MESP1: variants seen among roughly 807,000 people sequenced by gnomAD.
MESP1 encodes mesoderm posterior bHLH transcription factor 1, also known as mesoderm posterior protein 1.
A neutral mutation model predicts 15.2 loss-of-function variants in MESP1; 22 were observed. The ratio of observed to expected loss-of-function variants is 1.45; its 90% CI spans 1.04 to 2.07. The LOEUF is 2.07. Ranked by LOEUF, MESP1 falls within the 30% of genes most tolerant of loss-of-function variation. MESP1 has a pLI of 0.00. For synonymous variants in MESP1, 216 were observed against 192.6 expected (o/e 1.12, Z -1.01); for missense variants, 484 against 411.9 (o/e 1.17, Z -1.51).
At chr15:89,742,571 T>G in the MESP1 span, among the ~76,000 whole-genome samples, 7 of 152,260 alleles carry the variant, frequency 4.6e-5, no homozygotes, top group South Asian at 1.5e-3. Context: ...TTTGCTCTTG[T>G]TGCCCAGGCT....
At chr15:89,746,133 G>A (rs1280745638), downstream of MESP1, among the ~76,000 whole-genome samples, 2 of 109,736 alleles carry the variant, frequency 1.8e-5, no homozygotes, top group Non-Finnish European at 1.8e-5. Flanking sequence ...CCTCCACACA[G>A]CATCCACACA....
At chr15:89,736,893 A>G in the MESP1 span, among the ~76,000 whole-genome samples, 5 of 150,360 alleles carry the variant, frequency 3.3e-5, no homozygotes, top group East Asian at 2.0e-4. Context: ...CCGGGTTCAC[A>G]CCATTCTCCT....
At chr15:89,735,556 A>T in the MESP1 span, 3 of 1,613,762 alleles carry the variant, frequency 1.9e-6, no homozygotes, top group South Asian at 1.1e-5. Context: ...CTGGCATGGT[A>T]GGTTCCCCAT....
At chr15:89,737,087 G>T in the MESP1 span, among the ~76,000 whole-genome samples, 1 of 152,150 alleles carries the variant, frequency 6.6e-6, no homozygotes. Flanking sequence ...CATCGCGCCC[G>T]GCCAAAGGGG....
the MESP1 span, chr15:89,743,343 G>A: frequency 2.0e-5 from 32 of 1,614,196 alleles, no homozygotes; most frequent in Non-Finnish European, 2.6e-5. Context: ...ACTGGGCCCG[G>A]CTTCAGAGGT....
At chr15:89,737,892 C>A in the MESP1 span, 1 of 1,303,918 alleles carries the variant, frequency 7.7e-7, no homozygotes, top group Non-Finnish European at 1.1e-6. Context: ...AGATAAAATG[C>A]CAGCAGGGTC....
downstream of MESP1, among the ~76,000 whole-genome samples, chr15:89,746,850 G>A (rs1168752984): frequency 5.7e-5 from 3 of 52,826 alleles, 1 homozygote; most frequent in Non-Finnish European, 1.1e-4. Context: ...CACACACACA[G>A]CCCTGCCGCC....
At chr15:89,744,697 C>T in the MESP1 span, among the ~76,000 whole-genome samples, 1 of 152,206 alleles carries the variant, frequency 6.6e-6, no homozygotes, top group South Asian at 2.1e-4. Flanking sequence ...CACAAACTAC[C>T]TTTAGCAAAA....
the MESP1 span, among the ~76,000 whole-genome samples, chr15:89,734,409 C>G: frequency 2.8e-4 from 43 of 152,174 alleles, no homozygotes; most frequent in African/African-American, 9.2e-4. Context: ...TCCTCATGGT[C>G]TCTCCTGCAG....
At position 89,749,945 on chromosome 15, in the gene MESP1, G is replaced by A. The variant is rs777414090; in HGVS notation, c.*199C>T. ...CAGAGCCTCCTGCTTGCCTCAAAGT[G>A]TCTAGCCCTATGGGTCCCTCCATGG... On this transcript the variant is annotated 3_prime_UTR_variant, in exon 2 of 2. Coordinates refer to ENST00000300057, the MANE Select transcript of MESP1 (RefSeq NM_018670.4). 46 of 603,874 alleles carry A rather than the reference G, an allele frequency of 7.6e-5. No individual in the cohort carries two copies. Among genetic ancestry groups the A allele is most frequent in the Non-Finnish European group, 1.2e-4 (41 of 334,010 alleles). The allele number at this position is 603,874 out of a possible 1,614,324, so 37.4% of individuals were successfully genotyped here.
At chr15:89,743,506 C>T in the MESP1 span, 4 of 984,304 alleles carry the variant, frequency 4.1e-6, no homozygotes, top group Non-Finnish European at 3.1e-6. Flanking sequence ...GGCCTGCACT[C>T]GGAGTCTGGG....
chr15:89,735,648 C>T, the MESP1 span: 2 of 1,316,620 alleles, frequency 1.5e-6, no homozygotes, highest in Non-Finnish European at 2.2e-6. Context: ...TTATTGAAGG[C>T]CTGTTATGTG....
Position 89,750,118 on chromosome 15 carries a change from A to T in MESP1, c.*26T>A. The T allele has an allele frequency of 6.2e-7, 1 of 1,611,676 alleles. No homozygotes were observed. Among genetic ancestry groups the T allele is most frequent in the Non-Finnish European group, 8.5e-7 (1 of 1,177,974 alleles). ...CTGAGGCCAAAAAGCCTCGGTGCTC[A>T]CAGAGACGGCGTCAGTTGTCCCTTG... On this transcript the variant is annotated 3_prime_UTR_variant, in exon 2 of 2. Coordinates refer to ENST00000300057, the MANE Select transcript of MESP1 (RefSeq NM_018670.4).
chr15:89,746,988 C>T (rs1410273707), downstream of MESP1, among the ~76,000 whole-genome samples: 3 of 146,850 alleles, frequency 2.0e-5, no homozygotes, highest in South Asian at 2.2e-4. Flanking sequence ...CACAGAGCCC[C>T]GCCGCCACAC....
Position 89,750,524 on chromosome 15 carries a change from T to G in MESP1, c.708A>C (p.Pro236=). 6.7e-7 allele frequency: 1 copy of G among 1,500,206 alleles called. No homozygotes were observed. The allele number at this position is 1,500,206 out of a possible 1,614,324, so 92.9% of individuals were successfully genotyped here. ...GGACACTAACCGGGGACGGTGGGCT[T>G]GGCTCCATCGCCTGCCCTTCAGGGC... ...AACPEGQAME[P]SPPSPLLPGD... The change falls in exon 1 of 2, where the codon CCA becomes CCC. Residue 236 remains proline (P), a synonymous_variant. Transcript: ENST00000300057.
the MESP1 span, chr15:89,737,830 C>T: frequency 6.6e-7 from 1 of 1,520,048 alleles, no homozygotes; most frequent in Non-Finnish European, 8.9e-7. Context: ...ACTCTGTGTC[C>T]CCCTCTACCA....
chr15:89,738,348 T>G, the MESP1 span: 22 of 1,310,832 alleles, frequency 1.7e-5, no homozygotes, highest in Non-Finnish European at 2.2e-5. Flanking sequence ...TTCCCCTGGC[T>G]GGGCGTGGTG....
Position 89,749,909 on chromosome 15 carries a change from T to C in MESP1, c.*235A>G, listed in dbSNP as rs1201695305. ...TACAGTTTATTCACAAATAAATAAA[T>C]TCACATTAGGCAGAGCCTCCTGCTT... On this transcript the variant is annotated 3_prime_UTR_variant, in exon 2 of 2. Coordinates refer to ENST00000300057, the MANE Select transcript of MESP1 (RefSeq NM_018670.4). 9.3e-6 allele frequency: 5 copies of C among 540,248 alleles called. No individual in the cohort carries two copies. In the East Asian group the frequency reaches 1.5e-4, roughly 16 times the overall value. 33.5% of individuals were successfully genotyped at this position (540,248 alleles called of 1,614,324 possible). A position where few individuals can be genotyped will look rare whatever the true frequency, so the allele number is the denominator to read the frequency against.
chr15:89,740,165 T>C, the MESP1 span, among the ~76,000 whole-genome samples: 2 of 152,174 alleles, frequency 1.3e-5, no homozygotes, highest in African/African-American at 4.8e-5. Context: ...CAGTAAATGG[T>C]AGTTATGACC....
Sources: gnomAD v4.1 joint callset for allele counts (sites outside exome capture counted in the v4.1 genomes callset) on GRCh38, gnomAD v4.1.1 for gene constraint, MANE v1.5 for transcripts, NCBI Gene and HGNC (gene_info 2026-07-23, HGNC 2026-07-21) for gene names.